Variants in PZP observed in about 807,000 individuals in gnomAD.
PZP encodes the protein PZP alpha-2-macroglobulin like.
A neutral mutation model predicts 179.8 loss-of-function variants in PZP; 150 were observed. That is an observed-to-expected ratio of 0.83 (90% CI 0.73 to 0.96). PZP has a LOEUF of 0.96. Among genes scored for constraint, PZP ranks in the 40% least tolerant of loss-of-function variants. The pLI, the probability that PZP is intolerant of heterozygous loss-of-function variation, is 0.00. For synonymous variants in PZP, 624 were observed against 652.3 expected (o/e 0.96, Z 0.66); for missense variants, 1,689 against 1,764.0 (o/e 0.96, Z 0.76).
At chr12:9,187,818 C>G (rs1276881206) in intron 13 of PZP, among the ~76,000 whole-genome samples, 1 of 152,212 alleles carries the variant, frequency 6.6e-6, no homozygotes, top group Non-Finnish European at 1.5e-5. Context: ...ACCCTAATCA[C>G]TACTTGCTCT....
chr12:9,142,819 C>T, the PZP span, among the ~76,000 whole-genome samples: 1 of 152,122 alleles, frequency 6.6e-6, no homozygotes, highest in Non-Finnish European at 1.5e-5. Context: ...ACTTATTTAC[C>T]TCTAATTCCA....
chr12:9,196,697 A>T lies in PZP; in HGVS notation c.868-12T>A. 6.5e-7 allele frequency: 1 copy of T among 1,549,484 alleles called. No homozygotes were observed. Among genetic ancestry groups the T allele is most frequent in the Non-Finnish European group, 8.9e-7 (1 of 1,121,428 alleles). On this transcript the variant is annotated splice_polypyrimidine_tract_variant and intron_variant, in intron 8 of 35. Coordinates refer to ENST00000261336, the MANE Select transcript of PZP (RefSeq NM_002864.3). Reference sequence around the variant, plus strand: ...CCATTGCTGTTAAGCTGAGAAAAATACCAAAACCAATAAATGTCAAACTGA... The same window carrying T: ...CCATTGCTGTTAAGCTGAGAAAAATTCCAAAACCAATAAATGTCAAACTGA...
At chr12:9,177,967 T>C (rs1302399555) in intron 15 of PZP, among the ~76,000 whole-genome samples, 2 of 152,230 alleles carry the variant, frequency 1.3e-5, no homozygotes, top group Non-Finnish European at 2.9e-5. Context: ...GAGAAAGTTT[T>C]CTTGTTTTGG....
chr12:9,153,297 G>A lies in PZP; in HGVS notation c.3821C>T (p.Thr1274Ile), dbSNP rs1940502953. ...LHALSRYGAA[T>I]FTRTEKTAQV... Reference sequence around the variant, plus strand: ...TGCAGTTTTCTCAGTTCTGGTGAAAGTGGCTGCTCCATACCTGGACAGGGC... The same window carrying A: ...TGCAGTTTTCTCAGTTCTGGTGAAAATGGCTGCTCCATACCTGGACAGGGC... The change falls in exon 30 of 36, where the codon ACT becomes ATT. Residue 1274 changes from threonine to isoleucine, a missense_variant. Physicochemically the swap from Thr to Ile is moderately conservative, Grantham distance 89. Around this residue, in one of 3 missense-constraint regions of PZP, gnomAD observed 746 missense variants for 749.2 expected, o/e 1.00. Coordinates refer to ENST00000261336, the MANE Select transcript of PZP (RefSeq NM_002864.3). 1.9e-6 allele frequency: 3 copies of A among 1,614,044 alleles called. No homozygotes were observed.
chr12:9,199,439 G>C (rs1211571843), intron 7 of PZP, among the ~76,000 whole-genome samples: 1 of 152,042 alleles, frequency 6.6e-6, no homozygotes, highest in African/African-American at 2.4e-5. Context: ...ATTATTTCAG[G>C]TTATTAAACA....
chr12:9,192,352 G>A, intron 12 of PZP, 96 bp from the exon 13 acceptor site: 1 of 1,355,586 alleles, frequency 7.4e-7, no homozygotes, highest in African/African-American at 1.4e-5. Flanking sequence ...TCAAGTCTGT[G>A]CTGGAGAGAA....
chr12:9,191,584 ATTAAG>A (rs1162840945), intron 13 of PZP, among the ~76,000 whole-genome samples: 1 of 152,150 alleles, frequency 6.6e-6, no homozygotes, highest in Admixed American at 6.5e-5. Flanking sequence ...CCTAATGGTT[ATTAAG>A]TTTAGCTTAG....
chr12:9,201,152 C>T (rs1288420317), intron 5 of PZP, 92 bp from the exon 6 acceptor site: 29 of 1,494,814 alleles, frequency 1.9e-5, no homozygotes, highest in Non-Finnish European at 2.7e-5. Context: ...ATTAGCATTG[C>T]CTCTGGAAAG....
At chr12:9,185,874 C>G (rs1038571552) in intron 13 of PZP, among the ~76,000 whole-genome samples, 8 of 146,350 alleles carry the variant, frequency 5.5e-5, no homozygotes, top group African/African-American at 2.1e-4. Context: ...GTGGCATGAT[C>G]TCGGCTCACT....
At chr12:9,185,954 T>G (rs980460546) in intron 13 of PZP, among the ~76,000 whole-genome samples, 1 of 151,732 alleles carries the variant, frequency 6.6e-6, no homozygotes, top group East Asian at 1.9e-4. Context: ...ACTACAGGCG[T>G]GCACCATCAC....
chr12:9,169,047 T>G, intron 16 of PZP, 73 bp from the exon 17 acceptor site: 5 of 1,089,966 alleles, frequency 4.6e-6, no homozygotes, highest in Non-Finnish European at 6.9e-6. Flanking sequence ...CCTTAGAGAC[T>G]TCTCTATGTA....
intron 15 of PZP, among the ~76,000 whole-genome samples, chr12:9,179,914 T>TTCAAAATCACATCTCAGC (rs1453527237): frequency 5.3e-5 from 8 of 152,188 alleles, no homozygotes; most frequent in Non-Finnish European, 1.0e-4. Flanking sequence ...GATTCAGAAT[T>TTCAAAATCACATCTCAGC]TCAAAATCAC....
At chr12:9,178,326 G>T (rs1450560702) in intron 15 of PZP, among the ~76,000 whole-genome samples, 2 of 152,156 alleles carry the variant, frequency 1.3e-5, no homozygotes, top group African/African-American at 4.8e-5. Flanking sequence ...CCACACTGTA[G>T]CCACTCCCTG....
chr12:9,203,846 C>T lies in PZP; in HGVS notation c.189G>A (p.Leu63=). 2 of 1,614,088 alleles carry T rather than the reference C, an allele frequency of 1.2e-6. No individual in the cohort carries two copies. Among genetic ancestry groups the T allele is most frequent in the Non-Finnish European group, 1.7e-6 (2 of 1,180,004 alleles). ...GGCTCCTGTTTTCCCTGCCAGACTC[C>T]AAGGAAGCACTTACAGTCACTGTCT... ...LNETVTVSAS[L]ESGRENRSLF... Residue 63 remains leucine, a synonymous_variant, in exon 2 of 36, where the codon TTG becomes TTA. Transcript: ENST00000261336.
chr12:9,151,798 A>T (rs777539633), intron 32 of PZP, 126 bp from the exon 33 acceptor site: 1 of 686,242 alleles, frequency 1.5e-6, no homozygotes, highest in Non-Finnish European at 2.4e-6. Context: ...AATTGTTTTC[A>T]GGTCAGGAGT....
At chr12:9,200,534 C>T in intron 6 of PZP, 86 bp from the exon 7 acceptor site, 2 of 1,022,066 alleles carry the variant, frequency 2.0e-6, no homozygotes, top group Non-Finnish European at 3.0e-6. Flanking sequence ...TAATTTTTCC[C>T]AAAATAACAC....
intron 28 of PZP, 49 bp downstream of exon 28, chr12:9,157,126 T>C: frequency 1.3e-6 from 2 of 1,553,580 alleles, no homozygotes; most frequent in South Asian, 1.2e-5. Flanking sequence ...TTCCCCTCCC[T>C]GTGTCTATGT....
chr12:9,194,604 A>G (rs1943654383), intron 10 of PZP, among the ~76,000 whole-genome samples: 1 of 151,752 alleles, frequency 6.6e-6, no homozygotes, highest in Non-Finnish European at 1.5e-5. Flanking sequence ...AGCTGGGACT[A>G]CAGGCGCCCG....
At chr12:9,139,536 C>T in the PZP span, among the ~76,000 whole-genome samples, 1 of 152,068 alleles carries the variant, frequency 6.6e-6, no homozygotes, top group Admixed American at 6.6e-5. Flanking sequence ...ATTGAAGTTT[C>T]CTACTATTAT....
Sources: gnomAD v4.1 joint callset for allele counts (sites outside exome capture counted in the v4.1 genomes callset) on GRCh38, gnomAD v4.1.1 for gene constraint, gnomAD v4.1.1 regional missense constraint, MANE v1.5 for transcripts, NCBI Gene and HGNC (gene_info 2026-07-23, HGNC 2026-07-21) for gene names.